DLG2: variants seen among roughly 807,000 people sequenced by gnomAD.
DLG2 encodes disks large homolog 2.
In DLG2, 45 loss-of-function variants were observed where a neutral mutation model predicts 132.5. The ratio of observed to expected loss-of-function variants is 0.34; its 90% confidence interval spans 0.27 to 0.44. DLG2 has a LOEUF of 0.44. Ranked by LOEUF, DLG2 falls within the 20% of genes least tolerant of loss-of-function variation. The pLI is 1.00. For synonymous variants in DLG2, 424 were observed against 419.6 expected (o/e 1.01, Z -0.13); for missense variants, 1,045 against 1,196.9 (o/e 0.87, Z 1.87).
intron 6 of DLG2, among the ~76,000 whole-genome samples, chr11:84,678,887 T>C (rs1172740588): frequency 6.6e-6 from 1 of 152,122 alleles, no homozygotes; most frequent in African/African-American, 2.4e-5. Flanking sequence ...ATTTGTGATA[T>C]AGCAGTAATA....
In DLG2 at chr11:83,616,548, A is replaced by G. The variant is rs1011234442; in HGVS notation, c.1940+16663T>C. Among the ~76,000 whole-genome samples, 4 of 152,156 alleles carry G rather than the reference A, an allele frequency of 2.6e-5. No homozygotes were observed. The South Asian group carries it at 8.3e-4, about 32-fold the overall frequency. On this transcript the variant is annotated intron_variant, in intron 19 of 27. Transcript: ENST00000376104. Reference sequence around the variant, plus strand: ...TAGCTGCTCTTTACATATTCTGAAGATAAATTTCTTTTCCAGATGTCTGGA... The same window carrying G: ...TAGCTGCTCTTTACATATTCTGAAGGTAAATTTCTTTTCCAGATGTCTGGA...
chr11:84,581,338 A>T (rs1325214033), intron 6 of DLG2, among the ~76,000 whole-genome samples: 1 of 152,150 alleles, frequency 6.6e-6, no homozygotes, highest in African/African-American at 2.4e-5. Flanking sequence ...AGTAAAGGAA[A>T]ATCTTATCAC....
At chr11:84,478,625 T>C (rs2099128207) in intron 7 of DLG2, among the ~76,000 whole-genome samples, 1 of 152,090 alleles carries the variant, frequency 6.6e-6, no homozygotes. Context: ...AAGATAATAA[T>C]CTAATTTTGA....
At chr11:83,564,989 CA>C (rs2096679189) in intron 19 of DLG2, among the ~76,000 whole-genome samples, 3 of 152,174 alleles carry the variant, frequency 2.0e-5, no homozygotes, top group Non-Finnish European at 4.4e-5. Flanking sequence ...TATAATCAAT[CA>C]TGCAGTTCTT....
In DLG2 at chr11:83,791,537, G is replaced by A. The variant is rs1211621452; in HGVS notation, c.1723-4745C>T. 35 of 579,072 alleles carry A rather than the reference G, an allele frequency of 6.0e-5. No individual in the cohort carries two copies. The East Asian group carries it at 1.2e-3, about 20-fold the overall frequency. 35.9% of individuals were successfully genotyped at this position (579,072 alleles called of 1,614,324 possible). A position where few individuals can be genotyped will look rare whatever the true frequency, so the allele number is the denominator to read the frequency against. On this transcript the variant is annotated intron_variant, in intron 17 of 27. Coordinates refer to ENST00000376104, the MANE Select transcript of DLG2 (RefSeq NM_001142699.3). ...CAGTTTATTTTTTACTTTTATTCAA[G>A]TTAAAGGATTTCCAGAAGGTTTTAA... is the stretch of plus-strand genomic sequence containing the variant.
chr11:84,282,401 G>C (rs72957604), intron 7 of DLG2, among the ~76,000 whole-genome samples: 2 of 152,166 alleles, frequency 1.3e-5, no homozygotes, highest in Middle Eastern at 3.2e-3. Flanking sequence ...GATTACAAAA[G>C]TCTGGAGAGA....
chr11:84,322,453 C>T (rs2098409909), intron 7 of DLG2, among the ~76,000 whole-genome samples: 1 of 152,146 alleles, frequency 6.6e-6, no homozygotes, highest in African/African-American at 2.4e-5. Context: ...AGAGTTCTCC[C>T]TTTATAGCTA....
chr11:85,078,349 G>T (rs1158949202), intron 6 of DLG2, among the ~76,000 whole-genome samples: 1 of 151,412 alleles, frequency 6.6e-6, no homozygotes, highest in African/African-American at 2.4e-5. Context: ...GGAAGTGAGC[G>T]AACTAGTTAT....
At chr11:83,744,255 C>T (rs1188829627) in intron 18 of DLG2, among the ~76,000 whole-genome samples, 2 of 152,180 alleles carry the variant, frequency 1.3e-5, no homozygotes, top group African/African-American at 2.4e-5. Context: ...CTAATTCCCA[C>T]TCCTTCAATT....
At chr11:85,599,811 A>G (rs1039990439) in intron 2 of DLG2, among the ~76,000 whole-genome samples, 4 of 152,160 alleles carry the variant, frequency 2.6e-5, no homozygotes, top group African/African-American at 9.7e-5. Context: ...ATATCTTATT[A>G]TTTTATGACT....
intron 17 of DLG2, chr11:83,791,180 T>C (rs934437270): frequency 1.6e-6 from 1 of 638,764 alleles, no homozygotes; most frequent in African/African-American, 1.8e-5. Flanking sequence ...GGGACTGCAG[T>C]GATGGCTGCG....
At chr11:85,137,872 A>G (rs555178337) in intron 5 of DLG2, among the ~76,000 whole-genome samples, 30 of 152,254 alleles carry the variant, frequency 2.0e-4, no homozygotes, top group South Asian at 8.3e-4. Context: ...CTCATTTCCA[A>G]ACTCTCCAGA....
rs71066079 is a variant in DLG2, at chr11:83,997,730, C to CAAAAAAAAAAAAAAA, written c.920-17103_920-17089dup. 4.0e-4 allele frequency among the ~76,000 whole-genome samples: 10 copies of CAAAAAAAAAAAAAAA among 24,796 alleles called. 1 individual carries two copies. Among genetic ancestry groups the CAAAAAAAAAAAAAAA allele is most frequent in the African/African-American group, 1.2e-3 (8 of 6,722 alleles). The allele number at this position is 24,796 out of a possible 152,430, so 16.3% of individuals were successfully genotyped here. ...TGGGTGACAGAGCAAGACTCCATCT[C>CAAAAAAAAAAAAAAA]AAAAAAAAAAAAAAAAAAAAAAAAA... On this transcript the variant is annotated intron_variant, in intron 11 of 27. Transcript: ENST00000376104.
At chr11:85,018,023 G>C (rs1323908475) in intron 6 of DLG2, among the ~76,000 whole-genome samples, 1 of 152,158 alleles carries the variant, frequency 6.6e-6, no homozygotes, top group Non-Finnish European at 1.5e-5. Context: ...AAATATGTGA[G>C]ATACCCTTTT....
chr11:83,816,134 C>A (rs1424892069), intron 17 of DLG2, among the ~76,000 whole-genome samples: 1 of 152,088 alleles, frequency 6.6e-6, no homozygotes, highest in Non-Finnish European at 1.5e-5. Context: ...AAAAATGCAG[C>A]AACTAGAGTG....
chr11:84,754,500 A>G (rs1008369811), intron 6 of DLG2, among the ~76,000 whole-genome samples: 2 of 152,172 alleles, frequency 1.3e-5, no homozygotes, highest in Non-Finnish European at 1.5e-5. Context: ...TGGAACTTAG[A>G]AAAGCTTTGA....
At chr11:84,872,278 C>T (rs1033995805) in intron 6 of DLG2, among the ~76,000 whole-genome samples, 4 of 152,106 alleles carry the variant, frequency 2.6e-5, no homozygotes, top group African/African-American at 9.7e-5. Context: ...GCTCCTCAGT[C>T]AATCTTGAAA....
At chr11:85,500,797 C>T (rs286533) in intron 3 of DLG2, among the ~76,000 whole-genome samples, 102,513 of 152,068 alleles carry the variant, frequency 0.67, 35,081 homozygotes, top group Middle Eastern at 0.82. Context: ...AAACATTCCA[C>T]GCTCATGGAT....
At chr11:84,622,389 T>C (rs1367300789) in intron 6 of DLG2, among the ~76,000 whole-genome samples, 1 of 152,150 alleles carries the variant, frequency 6.6e-6, no homozygotes, top group African/African-American at 2.4e-5. Context: ...TTACTGATAT[T>C]GGGTATTACG....
Sources: gnomAD v4.1 joint callset for allele counts (sites outside exome capture counted in the v4.1 genomes callset) on GRCh38, gnomAD v4.1.1 for gene constraint, MANE v1.5 for transcripts, NCBI Gene and HGNC (gene_info 2026-07-23, HGNC 2026-07-21) for gene names.